EPHA4: variants seen among roughly 807,000 people sequenced by gnomAD.
The protein encoded by EPHA4 is EPH receptor A4.
In EPHA4, 19 loss-of-function variants were observed where a neutral mutation model predicts 108.3. That is an observed-to-expected ratio of 0.18 (90% CI 0.12 to 0.26). The LOEUF (loss-of-function observed/expected upper bound fraction) is 0.26. Ranked by LOEUF, EPHA4 falls within the 10% of genes least tolerant of loss-of-function variation. The pLI, the probability that EPHA4 is intolerant of heterozygous loss-of-function variation, is 1.00. For synonymous variants in EPHA4, 449 were observed against 455.5 expected (o/e 0.99, Z 0.18); for missense variants, 917 against 1,254.0 (o/e 0.73, Z 4.06).
At chr2:221,572,472 C>A (rs899563841), upstream of EPHA4, 3 of 330,124 alleles carry the variant, frequency 9.1e-6, no homozygotes, top group African/African-American at 2.2e-5. Context: ...CCGGGCTCCA[C>A]GGGGCGCGCG....
intron 4 of EPHA4, among the ~76,000 whole-genome samples, chr2:221,488,438 G>C (rs1243170982): frequency 5.9e-5 from 9 of 152,138 alleles, no homozygotes; most frequent in Non-Finnish European, 7.4e-5. Flanking sequence ...GAGACATATG[G>C]CTTATTTCTT....
chr2:221,572,088 C>A lies in EPHA4; in HGVS notation c.91+70G>T, dbSNP rs530889788. ...TCCCCCCGCACCACCTGGCCCTGCGCTCCTGAGGACCCCTCACCCGCGATG... is the reference window on the plus strand; with the variant it reads ...TCCCCCCGCACCACCTGGCCCTGCGATCCTGAGGACCCCTCACCCGCGATG... On this transcript the variant is annotated intron_variant, in intron 1 of 17. Coordinates refer to ENST00000281821, the MANE Select transcript of EPHA4 (RefSeq NM_004438.5). 7.5e-6 allele frequency: 10 copies of A among 1,328,164 alleles called. No individual in the cohort carries two copies. The South Asian group carries it at 9.4e-5, about 13-fold the overall frequency. 82.3% of individuals were successfully genotyped at this position (1,328,164 alleles called of 1,614,324 possible). A position where few individuals can be genotyped will look rare whatever the true frequency, so the allele number is the denominator to read the frequency against.
intron 5 of EPHA4, among the ~76,000 whole-genome samples, chr2:221,466,592 A>G (rs570137318): frequency 6.6e-6 from 1 of 152,350 alleles, no homozygotes; most frequent in Admixed American, 6.5e-5. Context: ...TCCTCCCTCT[A>G]TGCCACATGT....
chr2:221,470,742 C>A (rs1055357206), intron 5 of EPHA4, among the ~76,000 whole-genome samples: 1 of 152,008 alleles, frequency 6.6e-6, no homozygotes, highest in Admixed American at 6.6e-5. Flanking sequence ...GGGATAGAGA[C>A]CTTTGGGTTA....
At position 221,527,546 on chromosome 2, in the gene EPHA4, T is replaced by TGAGTATG. The variant is rs1259145155; in HGVS notation, c.824-26381_824-26375dup. Among the ~76,000 whole-genome samples the TGAGTATG allele has an allele frequency of 2.6e-5, 4 of 152,180 alleles. No individual in the cohort carries two copies. The East Asian group carries it at 7.8e-4, about 30-fold the overall frequency. On this transcript the variant is annotated intron_variant, in intron 3 of 17. Transcript: ENST00000281821. ...TCATTGTCACCTGGTCATTTACAGC[T>TGAGTATG]GAGTATGGAGGCCCCAGCCCCAGCA...
intron 3 of EPHA4, among the ~76,000 whole-genome samples, chr2:221,556,994 G>T (rs1362010063): frequency 6.6e-6 from 1 of 152,130 alleles, no homozygotes; most frequent in East Asian, 1.9e-4. Flanking sequence ...CACTGTATTT[G>T]CTTCTGTATT....
At chr2:221,478,290 T>C (rs547784630) in intron 5 of EPHA4, among the ~76,000 whole-genome samples, 1 of 152,250 alleles carries the variant, frequency 6.6e-6, no homozygotes, top group African/African-American at 2.4e-5. Context: ...TATTTCTCCC[T>C]CCTAGTGACA....
At chr2:221,424,551 A>T (rs1369008275) in intron 17 of EPHA4, among the ~76,000 whole-genome samples, 1 of 152,172 alleles carries the variant, frequency 6.6e-6, no homozygotes. Context: ...GAATGAACAA[A>T]CTCAATGCTG....
chr2:221,528,012 T>C (rs542643157), intron 3 of EPHA4, among the ~76,000 whole-genome samples: 32 of 131,180 alleles, frequency 2.4e-4, no homozygotes, highest in African/African-American at 8.1e-4. Context: ...CACCCCTACC[T>C]AACCACCCCC....
chr2:221,555,358 G>A (rs1694275799), intron 3 of EPHA4, among the ~76,000 whole-genome samples: 1 of 152,174 alleles, frequency 6.6e-6, no homozygotes, highest in African/African-American at 2.4e-5. Context: ...GTGAAAGGGG[G>A]AAATGGGTGT....
At chr2:221,541,768 T>C (rs74690214) in intron 3 of EPHA4, among the ~76,000 whole-genome samples, 1 of 152,184 alleles carries the variant, frequency 6.6e-6, no homozygotes, top group African/African-American at 2.4e-5. Context: ...AACAGAGTAA[T>C]ACTCTTTATA....
intron 7 of EPHA4, among the ~76,000 whole-genome samples, chr2:221,455,904 A>T (rs895910133): frequency 5.9e-5 from 9 of 152,272 alleles, no homozygotes; most frequent in African/African-American, 1.9e-4. Context: ...AAGGATGTCA[A>T]TCCCCTTCAG....
At chr2:221,524,945 C>T (rs1183676392) in intron 3 of EPHA4, among the ~76,000 whole-genome samples, 1 of 152,196 alleles carries the variant, frequency 6.6e-6, no homozygotes, top group South Asian at 2.1e-4. Flanking sequence ...CCTAAGTTCT[C>T]AAAAGTATCC....
At chr2:221,534,277 A>G (rs1693600723) in intron 3 of EPHA4, among the ~76,000 whole-genome samples, 1 of 152,210 alleles carries the variant, frequency 6.6e-6, no homozygotes, top group African/African-American at 2.4e-5. Flanking sequence ...TTGGTGTTCC[A>G]CTTACCCATA....
rs372425608 is a variant in EPHA4 at position 221,457,856 on chromosome 2, C to T, written c.1443+10G>A. On this transcript the variant is annotated intron_variant, in intron 6 of 17. Transcript: ENST00000281821. ...AGAAAGGAAAGGAGTGTTGTTCACT[C>T]AAGTAATACCTTCTCATAATACTTG... 4.3e-6 allele frequency: 7 copies of T among 1,611,794 alleles called. No homozygotes were observed. In the African/African-American group the frequency reaches 6.7e-5, roughly 15 times the overall value.
At chr2:221,473,863 C>A (rs1467782540) in intron 5 of EPHA4, among the ~76,000 whole-genome samples, 1 of 152,142 alleles carries the variant, frequency 6.6e-6, no homozygotes, top group African/African-American at 2.4e-5. Flanking sequence ...TTCGATGGAA[C>A]AAGCACAACA....
At chr2:221,431,433 G>A (rs995502369) in intron 14 of EPHA4, among the ~76,000 whole-genome samples, 8 of 152,108 alleles carry the variant, frequency 5.3e-5, no homozygotes, top group South Asian at 2.1e-4. Context: ...TAAGAGCACC[G>A]TTTCAGTTTA....
intron 4 of EPHA4, among the ~76,000 whole-genome samples, chr2:221,496,587 G>A (rs1692302032): frequency 6.6e-6 from 1 of 152,112 alleles, no homozygotes; most frequent in South Asian, 2.1e-4. Context: ...TGCAGTTAAT[G>A]TTTAAGTTTA....
At chr2:221,496,487 T>C (rs191196968) in intron 4 of EPHA4, among the ~76,000 whole-genome samples, 74 of 152,360 alleles carry the variant, frequency 4.9e-4, no homozygotes, top group Admixed American at 3.5e-3. Context: ...AATCCAGTTC[T>C]GCTGCCTGAC....
Sources: gnomAD v4.1 joint callset for allele counts (sites outside exome capture counted in the v4.1 genomes callset) on GRCh38, gnomAD v4.1.1 for gene constraint, MANE v1.5 for transcripts, NCBI Gene and HGNC (gene_info 2026-07-23, HGNC 2026-07-21) for gene names.